SULT1C3: variants seen among roughly 807,000 people sequenced by gnomAD.
SULT1C3 encodes sulfotransferase 1C3.
SULT1C3 carries 31 observed loss-of-function variants against 28.4 expected under a neutral mutation model. The observed-to-expected ratio is 1.09, with a 90% CI of 0.82 to 1.47. The LOEUF (loss-of-function observed/expected upper bound fraction) is 1.47, where lower values mean the gene tolerates loss of function less well. SULT1C3 is among the 40% of genes most tolerant of loss of function. The probability of loss-of-function intolerance (pLI) is 0.00; values close to 1 mark genes in which losing one functional copy is unlikely to be tolerated. For missense variants in SULT1C3, 307 were observed against 272.5 expected, an observed-to-expected ratio of 1.13 and a Z score of -0.89; for synonymous variants, 106 against 92.2, an observed-to-expected ratio of 1.15 and a Z score of -0.86.
chr2:108,263,056 C>T (rs1676057786), downstream of SULT1C3, among the ~76,000 whole-genome samples: 1 of 152,120 alleles, frequency 6.6e-6, no homozygotes, highest in Admixed American at 6.5e-5. Context: ...CCTCTGGTGC[C>T]TAATGAAGTT....
downstream of SULT1C3, chr2:108,264,819 A>C: frequency 6.2e-7 from 1 of 1,603,786 alleles, no homozygotes; most frequent in Non-Finnish European, 8.5e-7. Context: ...ACTGTTCCAC[A>C]TACAGGACCC....
chr2:108,258,527 G>T (rs1675933360), intron 5 of SULT1C3, among the ~76,000 whole-genome samples: 1 of 152,128 alleles, frequency 6.6e-6, no homozygotes, highest in African/African-American at 2.4e-5. Flanking sequence ...CATAGTCAAT[G>T]TGTGCAAAGT....
chr2:108,265,305 A>G (rs750094094), downstream of SULT1C3: 2 of 1,614,054 alleles, frequency 1.2e-6, no homozygotes, highest in Admixed American at 3.3e-5. Context: ...AAGGACTACC[A>G]GAAGAAGATG....
chr2:108,252,377 T>C lies in SULT1C3; in HGVS notation c.185T>C (p.Met62Thr), dbSNP rs112782933. The C allele has an allele frequency of 2.9e-5, 46 of 1,609,772 alleles. No individual in the cohort carries two copies. In the African/African-American group the frequency reaches 5.5e-4, roughly 19 times the overall value. ...CAAATATTTTCAGGTACAACATGGA[T>C]GCATGAAATTTTAGACATGATTCTA... ...ATYPKSGTTW[M>T]HEILDMILND... Residue 62 changes from methionine to threonine, a missense_variant, in exon 3 of 8, where the codon ATG becomes ACG. Transcript: ENST00000681802.
At chr2:108,262,732 G>A (rs561522205), downstream of SULT1C3, among the ~76,000 whole-genome samples, 4 of 152,200 alleles carry the variant, frequency 2.6e-5, no homozygotes, top group Non-Finnish European at 5.9e-5. Flanking sequence ...GTAAGATATA[G>A]TTTGCCCCAT....
chr2:108,253,349 G>A lies in SULT1C3; in HGVS notation c.306G>A (p.Leu102=), dbSNP rs140329992. Residue 102 remains leucine, a synonymous_variant, in exon 4 of 8, where the codon TTG becomes TTA. Coordinates refer to ENST00000681802, the MANE Select transcript of SULT1C3 (RefSeq NM_001320878.2). ...LKFPHKEKPD[L]EFVLEMSSPQ... Reference sequence around the variant, plus strand: ...ATATAAATTGTTTCTTGCTAGATTTGGAGTTCGTTCTTGAAATGTCCTCAC... The same window carrying A: ...ATATAAATTGTTTCTTGCTAGATTTAGAGTTCGTTCTTGAAATGTCCTCAC... The A allele has an allele frequency of 2.5e-4, 387 of 1,527,058 alleles. 1 individual carries two copies. The highest frequency in any genetic ancestry group is 3.0e-4 in the Non-Finnish European group (339 of 1,138,446). 94.6% of individuals were successfully genotyped at this position (1,527,058 alleles called of 1,614,324 possible). A position where few individuals can be genotyped will look rare whatever the true frequency, so the allele number is the denominator to read the frequency against.
chr2:108,248,489 G>C (rs1487920808), intron 2 of SULT1C3, among the ~76,000 whole-genome samples: 1 of 152,122 alleles, frequency 6.6e-6, no homozygotes, highest in Non-Finnish European at 1.5e-5. Flanking sequence ...AGGTGTAGGA[G>C]TTCTGAGAGG....
Position 108,252,349 on chromosome 2 carries a change from T to G in SULT1C3, c.173-16T>G, listed in dbSNP as rs777408287. 2 of 1,590,532 alleles carry G rather than the reference T, an allele frequency of 1.3e-6. No individual in the cohort carries two copies. Among genetic ancestry groups the G allele is most frequent in the East Asian group, 2.2e-5 (1 of 44,568 alleles). On this transcript the variant is annotated splice_polypyrimidine_tract_variant and intron_variant, in intron 2 of 7. Transcript: ENST00000681802. Reference sequence around the variant, plus strand: ...TCAATTGACTAAAATTAAAGAACTATTTCAAATATTTTCAGGTACAACATG... The same window carrying G: ...TCAATTGACTAAAATTAAAGAACTAGTTCAAATATTTTCAGGTACAACATG...
downstream of SULT1C3, among the ~76,000 whole-genome samples, chr2:108,263,258 T>C (rs1306184164): frequency 1.3e-5 from 2 of 152,150 alleles, no homozygotes; most frequent in East Asian, 1.9e-4. Flanking sequence ...CTTTATTATT[T>C]TGTCATGTTG....
downstream of SULT1C3, among the ~76,000 whole-genome samples, chr2:108,262,848 A>C (rs1410668274): frequency 6.6e-6 from 1 of 152,116 alleles, no homozygotes; most frequent in Non-Finnish European, 1.5e-5. Flanking sequence ...ACTGGGGAGG[A>C]AGAGAAGTTT....
chr2:108,254,814 T>G (rs1675829844), intron 4 of SULT1C3, among the ~76,000 whole-genome samples: 1 of 151,224 alleles, frequency 6.6e-6, no homozygotes, highest in Non-Finnish European at 1.5e-5. Flanking sequence ...TATATGTATA[T>G]ATGTGTATAT....
intron 1 of SULT1C3, among the ~76,000 whole-genome samples, chr2:108,241,118 C>A (rs1003798590): frequency 6.6e-6 from 1 of 152,240 alleles, no homozygotes; most frequent in African/African-American, 2.4e-5. Flanking sequence ...AGGTTAGGAA[C>A]CCTGTGCCAC....
At chr2:108,254,687 A>ATG (rs538237462) in intron 4 of SULT1C3, among the ~76,000 whole-genome samples, 113 of 149,148 alleles carry the variant, frequency 7.6e-4, no homozygotes, top group African/African-American at 2.4e-3. Flanking sequence ...CATGTGAGAT[A>ATG]TGTGTGTGTG....
chr2:108,261,090 T>C (rs1429776782), downstream of SULT1C3, among the ~76,000 whole-genome samples: 1 of 152,198 alleles, frequency 6.6e-6, no homozygotes, highest in Admixed American at 6.5e-5. Flanking sequence ...GTACATTCTA[T>C]ACTTTTATGT....
chr2:108,245,570 A>G (rs2104382991), intron 1 of SULT1C3, among the ~76,000 whole-genome samples: 1 of 152,288 alleles, frequency 6.6e-6, no homozygotes, highest in Non-Finnish European at 1.5e-5. Flanking sequence ...ATCAAGGAGT[A>G]GCTAGGAAGC....
intron 2 of SULT1C3, 75 bp from the exon 3 acceptor site, chr2:108,252,290 T>G (rs763250986): frequency 7.0e-7 from 1 of 1,437,272 alleles, no homozygotes; most frequent in Non-Finnish European, 9.4e-7. Flanking sequence ...GTTGCTGTCT[T>G]TCTTCAAAAT....
chr2:108,261,648 A>G (rs1245549012), downstream of SULT1C3, among the ~76,000 whole-genome samples: 4 of 151,958 alleles, frequency 2.6e-5, no homozygotes, highest in East Asian at 5.8e-4. Context: ...GAAAGGGGGG[A>G]AATTTGGAAA....
chr2:108,242,762 T>C (rs1469080386), intron 1 of SULT1C3, among the ~76,000 whole-genome samples: 3 of 152,142 alleles, frequency 2.0e-5, no homozygotes, highest in African/African-American at 7.2e-5. Flanking sequence ...CTTTTTATTT[T>C]CCCAAAACAG....
chr2:108,248,681 A>G (rs1675653123), intron 2 of SULT1C3, among the ~76,000 whole-genome samples: 1 of 152,112 alleles, frequency 6.6e-6, no homozygotes, highest in Non-Finnish European at 1.5e-5. Flanking sequence ...TTAGCCATAT[A>G]ATTCCTAGAG....
Sources: gnomAD v4.1 joint callset for allele counts (sites outside exome capture counted in the v4.1 genomes callset) on GRCh38, gnomAD v4.1.1 for gene constraint, MANE v1.5 for transcripts, NCBI Gene and HGNC (gene_info 2026-07-23, HGNC 2026-07-21) for gene names.